The following WDPCP variants were observed in gnomAD, a reference collection of about 807,000 sequenced individuals.
The protein encoded by WDPCP is WD repeat containing planar cell polarity effector.
In WDPCP, 71 loss-of-function variants were observed where a neutral mutation model predicts 93.1. The ratio of observed to expected loss-of-function variants is 0.76; its 90% confidence interval spans 0.63 to 0.93. The LOEUF (loss-of-function observed/expected upper bound fraction) is 0.93, where lower values mean the gene tolerates loss of function less well. Ranked by LOEUF, WDPCP falls within the 40% of genes least tolerant of loss-of-function variation. WDPCP has a pLI of 0.00. For synonymous variants in WDPCP, 315 were observed against 315.0 expected (o/e 1.00, Z 0.00); for missense variants, 844 against 887.4 (o/e 0.95, Z 0.62).
intron 2 of WDPCP, among the ~76,000 whole-genome samples, 177 bp downstream of exon 2, chr2:63,492,679 A>G (rs1700967039): frequency 6.6e-6 from 1 of 152,100 alleles, no homozygotes; most frequent in South Asian, 2.1e-4. Context: ...CTCAAGCTGT[A>G]AATATTGTTA....
chr2:63,715,594 G>A (rs1288829333), intron 2 of WDPCP, among the ~76,000 whole-genome samples: 1 of 152,170 alleles, frequency 6.6e-6, no homozygotes, highest in African/African-American at 2.4e-5. Context: ...CAGCTACAGA[G>A]CTTGAGATTA....
intron 2 of WDPCP, among the ~76,000 whole-genome samples, chr2:63,720,635 A>G (rs1200016743): frequency 4.6e-5 from 7 of 152,082 alleles, no homozygotes; most frequent in African/African-American, 1.7e-4. Flanking sequence ...GTCTCTTTCC[A>G]TTGACCCCTA....
chr2:63,274,557 T>A (rs1406771150), intron 13 of WDPCP, among the ~76,000 whole-genome samples: 4 of 152,002 alleles, frequency 2.6e-5, no homozygotes, highest in Non-Finnish European at 5.9e-5. Flanking sequence ...AATCTATACA[T>A]TTCTAGCTAG....
intron 1 of WDPCP, among the ~76,000 whole-genome samples, chr2:63,567,348 T>C (rs1325170237): frequency 2.0e-5 from 3 of 152,188 alleles, no homozygotes. Flanking sequence ...ACAAAAGACA[T>C]TCTTATCAAC....
chr2:63,212,144 C>T (rs1268937045), intron 14 of WDPCP, among the ~76,000 whole-genome samples: 1 of 152,066 alleles, frequency 6.6e-6, no homozygotes, highest in Middle Eastern at 3.2e-3. Flanking sequence ...TCGAGAAGAG[C>T]AACTCCAGGA....
At chr2:63,552,614 G>C (rs1705764886) in intron 1 of WDPCP, among the ~76,000 whole-genome samples, 1 of 151,952 alleles carries the variant, frequency 6.6e-6, no homozygotes. Flanking sequence ...TCTTCTTTTA[G>C]GGTTTACAAA....
At chr2:63,680,745 C>T (rs1045083996) in intron 2 of WDPCP, among the ~76,000 whole-genome samples, 4 of 152,258 alleles carry the variant, frequency 2.6e-5, no homozygotes, top group African/African-American at 9.6e-5. Flanking sequence ...CTCTCCCCAA[C>T]CCCAGGCAGC....
chr2:63,415,657 G>A (rs1443909792), intron 9 of WDPCP, among the ~76,000 whole-genome samples: 1 of 152,202 alleles, frequency 6.6e-6, no homozygotes, highest in Admixed American at 6.5e-5. Context: ...CATGCTGCAT[G>A]TTGTCAAGCA....
chr2:63,138,069 A>AT (rs34667163), intron 17 of WDPCP, among the ~76,000 whole-genome samples: 14,409 of 117,012 alleles, frequency 0.12, 1,717 homozygotes, highest in African/African-American at 0.3. Context: ...GTTCCATATG[A>AT]TTTTTTTTTT....
At chr2:63,437,011 C>G (rs1391890338) in intron 8 of WDPCP, among the ~76,000 whole-genome samples, 7 of 151,906 alleles carry the variant, frequency 4.6e-5, no homozygotes, top group African/African-American at 1.7e-4. Flanking sequence ...TTTCAAAGTG[C>G]CTTCATCTTT....
At chr2:63,399,886 T>C (rs1004926957) in intron 10 of WDPCP, among the ~76,000 whole-genome samples, 2 of 152,190 alleles carry the variant, frequency 1.3e-5, no homozygotes, top group Non-Finnish European at 2.9e-5. Flanking sequence ...TCACATTGTA[T>C]GTATTATATC....
chr2:63,530,310 T>C (rs573499480), intron 1 of WDPCP, among the ~76,000 whole-genome samples: 2 of 152,368 alleles, frequency 1.3e-5, no homozygotes, highest in South Asian at 4.1e-4. Context: ...CAATTTTAGA[T>C]CTTTCCTGCT....
intron 2 of WDPCP, among the ~76,000 whole-genome samples, chr2:63,656,473 T>C (rs1327599339): frequency 2.0e-5 from 3 of 152,110 alleles, no homozygotes; most frequent in Admixed American, 6.5e-5. Flanking sequence ...GAGAGGGCCA[T>C]GGAAACTGAC....
At chr2:63,325,848 AG>A (rs1287923566) in intron 12 of WDPCP, among the ~76,000 whole-genome samples, 2 of 152,228 alleles carry the variant, frequency 1.3e-5, no homozygotes, top group Non-Finnish European at 2.9e-5. Context: ...TCCAGCTTTA[AG>A]CCTTCCCACA....
intron 10 of WDPCP, among the ~76,000 whole-genome samples, chr2:63,397,897 A>G (rs1330823819): frequency 1.3e-5 from 2 of 152,136 alleles, no homozygotes; most frequent in African/African-American, 4.8e-5. Flanking sequence ...TCAGCAACAG[A>G]TGGGAAACCA....
intron 3 of WDPCP, chr2:63,644,128 G>C: frequency 3.0e-6 from 1 of 332,984 alleles, no homozygotes; most frequent in Non-Finnish European, 5.9e-6. Flanking sequence ...TTGCATCAAT[G>C]TTCATCAGGG....
chr2:63,274,556 AT>A (rs992464065), intron 13 of WDPCP, among the ~76,000 whole-genome samples: 4 of 152,132 alleles, frequency 2.6e-5, no homozygotes, highest in African/African-American at 9.6e-5. Flanking sequence ...AAATCTATAC[AT>A]TTCTAGCTAG....
At chr2:63,235,430 C>T (rs1679304337) in intron 14 of WDPCP, among the ~76,000 whole-genome samples, 1 of 152,152 alleles carries the variant, frequency 6.6e-6, no homozygotes, top group Admixed American at 6.6e-5. Context: ...CAAAGAAGAA[C>T]TTGTACCAAT....
intron 1 of WDPCP, among the ~76,000 whole-genome samples, chr2:63,503,111 G>GCAATATTTGAACAATAAAC (rs1258437974): frequency 2.6e-5 from 4 of 152,084 alleles, no homozygotes; most frequent in African/African-American, 9.7e-5. Context: ...TTTCTCTAGG[G>GCAATATTTGAACAATAAAC]CATTGTTCAA....
Sources: gnomAD v4.1 joint callset for allele counts (sites outside exome capture counted in the v4.1 genomes callset) on GRCh38, gnomAD v4.1.1 for gene constraint, MANE v1.5 for transcripts, NCBI Gene and HGNC (gene_info 2026-07-23, HGNC 2026-07-21) for gene names.